Variants in IL6ST observed in about 807,000 individuals in gnomAD.
IL6ST encodes the protein interleukin 6 cytokine family signal transducer.
IL6ST carries 24 observed loss-of-function variants against 91.3 expected under a neutral mutation model. The observed-to-expected ratio is 0.26, with a 90% confidence interval of 0.19 to 0.37. The LOEUF is 0.37. IL6ST is among the 10% of genes least tolerant of loss of function. The pLI is 1.00. For missense variants in IL6ST, 914 were observed against 1,078.5 expected (o/e 0.85, Z 2.14); for synonymous variants, 351 against 373.6 (o/e 0.94, Z 0.70).
intron 3 of IL6ST, 179 bp downstream of exon 3, chr5:55,976,036 T>C (rs1311444400): frequency 2.9e-6 from 1 of 346,638 alleles, no homozygotes; most frequent in Non-Finnish European, 5.2e-6. Context: ...ACTCAAATTA[T>C]ACAAAAACAG....
chr5:55,971,307 T>C (rs548469107), intron 3 of IL6ST, among the ~76,000 whole-genome samples: 2 of 152,316 alleles, frequency 1.3e-5, no homozygotes, highest in Admixed American at 6.5e-5. Flanking sequence ...ATATGCTTAA[T>C]AAGCATATCA....
intron 2 of IL6ST, among the ~76,000 whole-genome samples, chr5:55,978,687 T>C (rs1279923133): frequency 3.9e-5 from 6 of 152,236 alleles, no homozygotes; most frequent in Admixed American, 3.9e-4. Flanking sequence ...GTCACACCAC[T>C]GCACTCCAGC....
Position 55,975,035 on chromosome 5 carries a change from A to G in IL6ST, c.64+1180T>C, listed in dbSNP as rs1753203738. ...GGTCTTGCTCTGTTACCCAGGATAG[A>G]GTGCAATGGCGTGACCATGGCTCAC... On this transcript the variant is annotated intron_variant, in intron 3 of 16. Coordinates refer to ENST00000381298, the MANE Select transcript of IL6ST (RefSeq NM_002184.4). Among the ~76,000 whole-genome samples, 2 of 151,964 alleles carry G rather than the reference A, an allele frequency of 1.3e-5. 1 individual carries two copies.
At chr5:55,950,746 G>A (rs1751585723) in intron 14 of IL6ST, among the ~76,000 whole-genome samples, 2 of 151,706 alleles carry the variant, frequency 1.3e-5, no homozygotes, top group Admixed American at 1.3e-4. Flanking sequence ...ACTTTAGGAG[G>A]CCAAGGCAGA....
intron 11 of IL6ST, 132 bp downstream of exon 11, chr5:55,954,678 A>C (rs1277358746): frequency 1.7e-6 from 1 of 602,062 alleles, no homozygotes; most frequent in Non-Finnish European, 2.8e-6. Flanking sequence ...TGAAAGTCAC[A>C]CATCTAGTAA....
At position 55,941,607 on chromosome 5, in the gene IL6ST, A is replaced by C. The variant is rs138205220; in HGVS notation, c.2232T>G (p.Ser744Arg). The change falls in exon 17 of 17, where the codon AGT becomes AGG. Residue 744 changes from serine to arginine, a missense_variant. Physicochemically the swap from Ser to Arg is moderately radical, Grantham distance 110 (BLOSUM62 -1). Coordinates refer to ENST00000381298, the MANE Select transcript of IL6ST (RefSeq NM_002184.4). Reference sequence around the variant, plus strand: ...TGTTTTGTGAAGATTCATTTTCATCACTGCTAGAAATGCTTGGCCTAGAAG... The same window carrying C: ...TGTTTTGTGAAGATTCATTTTCATCCCTGCTAGAAATGCTTGGCCTAGAAG... ...MSSSRPSISS[S>R]DENESSQNTS... 13 of 1,614,174 alleles carry C rather than the reference A, an allele frequency of 8.1e-6. No individual in the cohort carries two copies. In the Admixed American group the frequency reaches 2.2e-4, roughly 27 times the overall value.
At position 55,940,487 on chromosome 5, in the gene IL6ST, C is replaced by T. The variant is rs771568222; in HGVS notation, c.*595G>A. The T allele has an allele frequency of 2.4e-5, 5 of 212,744 alleles. No homozygotes were observed. The Middle Eastern group carries it at 4.4e-3, about 186-fold the overall frequency. The allele number at this position is 212,744 out of a possible 1,614,324, so 13.2% of individuals were successfully genotyped here. The stretch of plus-strand genomic sequence containing the variant: ...GAATTCCTTTTCTCCAGTAATAACT[C>T]GCAGCATCACTACCAATGGAAGGGA... On this transcript the variant is annotated 3_prime_UTR_variant, in exon 17 of 17. Transcript: ENST00000381298.
chr5:55,988,044 T>C (rs1384400558), intron 1 of IL6ST, among the ~76,000 whole-genome samples: 4 of 151,564 alleles, frequency 2.6e-5, no homozygotes, highest in African/African-American at 7.3e-5. Context: ...GGCAGAAGAA[T>C]TGCTCGAACC....
chr5:55,949,439 C>CA (rs1751473292), intron 14 of IL6ST, among the ~76,000 whole-genome samples: 1 of 152,078 alleles, frequency 6.6e-6, no homozygotes, highest in South Asian at 2.1e-4. Context: ...TGCACCACTG[C>CA]ACTCCAGCCT....
At chr5:55,961,363 C>G (rs1366773394) in intron 7 of IL6ST, among the ~76,000 whole-genome samples, 2 of 152,124 alleles carry the variant, frequency 1.3e-5, no homozygotes, top group Non-Finnish European at 2.9e-5. Context: ...GGGCTTAGAG[C>G]TGTTTCTACC....
chr5:55,984,243 G>A (rs531337918), intron 1 of IL6ST, among the ~76,000 whole-genome samples: 1 of 152,242 alleles, frequency 6.6e-6, no homozygotes, highest in East Asian at 1.9e-4. Flanking sequence ...TTTGGCTTAT[G>A]GGCTATAGTT....
At chr5:55,972,118 A>G (rs540394400) in intron 3 of IL6ST, among the ~76,000 whole-genome samples, 18 of 152,326 alleles carry the variant, frequency 1.2e-4, no homozygotes, top group Admixed American at 2.0e-4. Context: ...AAGTAATCAT[A>G]GGGATGTTAA....
chr5:55,994,453 G>C (rs936892303), intron 1 of IL6ST, among the ~76,000 whole-genome samples: 1 of 152,100 alleles, frequency 6.6e-6, no homozygotes, highest in African/African-American at 2.4e-5. Context: ...GATGAAAAGG[G>C]GATTGGGAAA....
At chr5:55,955,449 A>AG (rs1406362517) in intron 10 of IL6ST, among the ~76,000 whole-genome samples, 1 of 152,224 alleles carries the variant, frequency 6.6e-6, no homozygotes, top group Non-Finnish European at 1.5e-5. Flanking sequence ...TGTCTCAAAA[A>AG]GAAAAAAAAA....
intron 3 of IL6ST, among the ~76,000 whole-genome samples, chr5:55,974,940 C>T (rs2408157): frequency 0.21 from 30,978 of 150,026 alleles, 4,771 homozygotes; most frequent in African/African-American, 0.44. Context: ...TATTCATACA[C>T]ACACACACAC....
chr5:55,989,622 C>T (rs770063756), intron 1 of IL6ST, among the ~76,000 whole-genome samples: 1 of 152,128 alleles, frequency 6.6e-6, no homozygotes, highest in African/African-American at 2.4e-5. Context: ...AATAAAAGCT[C>T]AAGCTTTTAT....
intron 2 of IL6ST, 125 bp from the exon 3 acceptor site, chr5:55,976,418 G>A (rs555922388): frequency 2.2e-6 from 1 of 457,290 alleles, no homozygotes; most frequent in Admixed American, 4.2e-5. Context: ...TTATGAGAAT[G>A]TAGAAAACTT....
intron 10 of IL6ST, 161 bp downstream of exon 10, chr5:55,955,864 A>C (rs917961514): frequency 2.3e-6 from 1 of 437,678 alleles, no homozygotes; most frequent in Non-Finnish European, 4.0e-6. Flanking sequence ...AAAAAAGAAA[A>C]TCATTATTTA....
At position 55,939,822 on chromosome 5, in the gene IL6ST, C is replaced by CTAAG. The variant is rs1398031470; in HGVS notation, c.*1256_*1259dup. 8 of 203,418 alleles carry CTAAG rather than the reference C, an allele frequency of 3.9e-5. No homozygotes were observed. Among genetic ancestry groups the CTAAG allele is most frequent in the Non-Finnish European group, 6.1e-5 (6 of 98,972 alleles). The allele number at this position is 203,418 out of a possible 1,614,324, so 12.6% of individuals were successfully genotyped here. On this transcript the variant is annotated 3_prime_UTR_variant, in exon 17 of 17. Coordinates refer to ENST00000381298, the MANE Select transcript of IL6ST (RefSeq NM_002184.4). ...AAAATTCCTAAATCACAATGTAGAACTAAGTTCCACCCTACCTCAGAACTG... is the reference window on the plus strand; with the variant it reads ...AAAATTCCTAAATCACAATGTAGAACTAAGTAAGTTCCACCCTACCTCAGAACTG...
Sources: allele counts gnomAD v4.1 joint callset (sites outside exome capture counted in the v4.1 genomes callset), GRCh38; gene constraint gnomAD v4.1.1; transcripts MANE v1.5; gene names NCBI Gene and HGNC (gene_info 2026-07-23, HGNC 2026-07-21).